Variants in ELOVL7 observed in about 807,000 individuals in gnomAD.
ELOVL7 encodes the protein ELOVL fatty acid elongase 7.
In ELOVL7, 27 loss-of-function variants were observed where a neutral mutation model predicts 35.7. The ratio of observed to expected loss-of-function variants is 0.76; its 90% CI spans 0.56 to 1.04. ELOVL7 has a LOEUF of 1.04. Among genes scored for constraint, ELOVL7 ranks in the 50% least tolerant of loss-of-function variants. The probability of loss-of-function intolerance (pLI) is 0.00; values close to 1 mark genes in which losing one functional copy is unlikely to be tolerated. For synonymous variants in ELOVL7, 113 were observed against 114.6 expected (o/e 0.99, Z 0.09); for missense variants, 327 against 340.8 (o/e 0.96, Z 0.32).
At chr5:60,766,430 G>A (rs2070198106) in intron 6 of ELOVL7, 144 bp downstream of exon 6, 3 of 615,450 alleles carry the variant, frequency 4.9e-6, no homozygotes, top group Non-Finnish European at 8.5e-6. Context: ...AAAGATAACA[G>A]TAGGTCTGCC....
At chr5:60,760,836 C>G (rs1584151292) in intron 7 of ELOVL7, among the ~76,000 whole-genome samples, 1 of 152,030 alleles carries the variant, frequency 6.6e-6, no homozygotes, top group East Asian at 1.9e-4. Flanking sequence ...AGGAAGGGAT[C>G]CAGTTTCAGG....
intron 1 of ELOVL7, among the ~76,000 whole-genome samples, chr5:60,838,594 A>C (rs2112410415): frequency 6.6e-6 from 1 of 152,334 alleles, no homozygotes; most frequent in East Asian, 1.9e-4. Flanking sequence ...ACCCTACATT[A>C]GAAAGTCCAA....
Position 60,751,956 on chromosome 5 carries a change from C to T in ELOVL7, c.*2668G>A, listed in dbSNP as rs537608393. On this transcript the variant is annotated 3_prime_UTR_variant, in exon 9 of 9. Coordinates refer to ENST00000508821, the MANE Select transcript of ELOVL7 (RefSeq NM_024930.3). ...CTTAAGGCTGTAAATGGCAAAGTCC[C>T]ATAGATATTTAAAAATCTATATTTG... 2 of 152,116 alleles carry T rather than the reference C, an allele frequency of 1.3e-5. No individual in the cohort carries two copies. The highest frequency in any genetic ancestry group is 4.8e-5 in the African/African-American group (2 of 41,492). The allele number at this position is 152,116 out of a possible 1,614,324, so 9.4% of individuals were successfully genotyped here. A position where few individuals can be genotyped will look rare whatever the true frequency, so the allele number is the denominator to read the frequency against.
At chr5:60,773,494 G>T (rs1387991965) in intron 3 of ELOVL7, among the ~76,000 whole-genome samples, 1 of 152,136 alleles carries the variant, frequency 6.6e-6, no homozygotes, top group Non-Finnish European at 1.5e-5. Flanking sequence ...TATCAGATGT[G>T]CATGGGTGAT....
chr5:60,766,857 T>A (rs1372282389), intron 5 of ELOVL7, among the ~76,000 whole-genome samples: 1 of 152,146 alleles, frequency 6.6e-6, no homozygotes, highest in Non-Finnish European at 1.5e-5. Flanking sequence ...CTAAACTACA[T>A]CCCATTCTCC....
chr5:60,838,972 G>C (rs1746993007), intron 1 of ELOVL7, among the ~76,000 whole-genome samples: 1 of 148,094 alleles, frequency 6.8e-6, no homozygotes, highest in East Asian at 2.0e-4. Context: ...GCAGTGAGCA[G>C]AGATAGCGCC....
At chr5:60,779,113 G>T (rs906080414) in intron 3 of ELOVL7, among the ~76,000 whole-genome samples, 1 of 152,196 alleles carries the variant, frequency 6.6e-6, no homozygotes, top group African/African-American at 2.4e-5. Flanking sequence ...GGGCAGCTCT[G>T]CCTCTGTGGC....
intron 1 of ELOVL7, among the ~76,000 whole-genome samples, chr5:60,805,242 T>C (rs1218602147): frequency 6.6e-6 from 1 of 152,204 alleles, no homozygotes; most frequent in Non-Finnish European, 1.5e-5. Context: ...CCAAACACTT[T>C]TTTAGGTGAC....
At chr5:60,828,614 T>TA (rs1479975486) in intron 1 of ELOVL7, among the ~76,000 whole-genome samples, 2 of 152,124 alleles carry the variant, frequency 1.3e-5, no homozygotes, top group Non-Finnish European at 2.9e-5. Context: ...AGGAGAGTTT[T>TA]AAAAAAATCA....
At chr5:60,834,126 T>G (rs1746642356) in intron 1 of ELOVL7, among the ~76,000 whole-genome samples, 1 of 152,086 alleles carries the variant, frequency 6.6e-6, no homozygotes, top group Admixed American at 6.5e-5. Flanking sequence ...CAGCTCTAAG[T>G]TCTACATATT....
At chr5:60,785,708 T>C (rs1284860025) in intron 3 of ELOVL7, 2 of 151,784 alleles carry the variant, frequency 1.3e-5, no homozygotes, top group African/African-American at 4.9e-5. Context: ...TAAAGAAACT[T>C]GAATATTCTG....
chr5:60,807,756 T>C (rs971408989), intron 1 of ELOVL7, among the ~76,000 whole-genome samples: 4 of 151,682 alleles, frequency 2.6e-5, no homozygotes, highest in African/African-American at 9.7e-5. Flanking sequence ...TCCCAGCACT[T>C]TGGGAGGCCG....
intron 4 of ELOVL7, among the ~76,000 whole-genome samples, chr5:60,768,464 T>C (rs1742378199): frequency 6.6e-6 from 1 of 152,194 alleles, no homozygotes; most frequent in African/African-American, 2.4e-5. Flanking sequence ...ATATTATTAA[T>C]AGTTTTACTG....
chr5:60,786,786 C>CA (rs1225303192), intron 3 of ELOVL7, among the ~76,000 whole-genome samples: 2 of 151,682 alleles, frequency 1.3e-5, no homozygotes, highest in African/African-American at 2.4e-5. Context: ...ACTAAAAATA[C>CA]AAAAAATTAG....
chr5:60,770,098 T>C (rs1256299658), intron 4 of ELOVL7, among the ~76,000 whole-genome samples: 1 of 152,096 alleles, frequency 6.6e-6, no homozygotes, highest in African/African-American at 2.4e-5. Context: ...AAGTAATAAT[T>C]TATATTTGGC....
intron 7 of ELOVL7, among the ~76,000 whole-genome samples, chr5:60,761,759 T>G (rs759674361): frequency 6.6e-6 from 1 of 152,112 alleles, no homozygotes; most frequent in South Asian, 2.1e-4. Flanking sequence ...ACAGTTTTAA[T>G]AGTAAAATAT....
chr5:60,758,593 C>T (rs1047711087), intron 7 of ELOVL7, among the ~76,000 whole-genome samples: 5 of 152,114 alleles, frequency 3.3e-5, no homozygotes, highest in African/African-American at 4.8e-5. Context: ...CTTCTCATTT[C>T]GCCACATTTC....
intron 1 of ELOVL7, among the ~76,000 whole-genome samples, chr5:60,810,800 T>C (rs1042955199): frequency 6.6e-6 from 1 of 152,124 alleles, no homozygotes; most frequent in Non-Finnish European, 1.5e-5. Context: ...TCTTGTAGGG[T>C]AGGGTGGAAG....
intron 3 of ELOVL7, among the ~76,000 whole-genome samples, chr5:60,773,702 T>A (rs1210749593): frequency 6.6e-6 from 1 of 152,224 alleles, no homozygotes; most frequent in African/African-American, 2.4e-5. Flanking sequence ...ATAGGAAAAC[T>A]GACTGCTTGG....
Sources: gnomAD v4.1 joint callset for allele counts (sites outside exome capture counted in the v4.1 genomes callset) on GRCh38, gnomAD v4.1.1 for gene constraint, MANE v1.5 for transcripts, NCBI Gene and HGNC (gene_info 2026-07-23, HGNC 2026-07-21) for gene names.